KPNA4: variants seen among roughly 807,000 people sequenced by gnomAD.
The protein encoded by KPNA4 is karyopherin subunit alpha 4.
A neutral mutation model predicts 71.3 loss-of-function variants in KPNA4; 13 were observed. The observed-to-expected ratio is 0.18, with a 90% confidence interval of 0.12 to 0.29. The LOEUF is 0.29. KPNA4 is among the 10% of genes least tolerant of loss of function. KPNA4 has a pLI of 1.00. For missense variants in KPNA4, 334 were observed against 603.2 expected (o/e 0.55, Z 4.67); for synonymous variants, 189 against 195.2 (o/e 0.97, Z 0.26).
At chr3:160,554,930 C>G (rs904600801) in intron 1 of KPNA4, among the ~76,000 whole-genome samples, 15 of 152,178 alleles carry the variant, frequency 9.9e-5, no homozygotes, top group African/African-American at 3.6e-4. Flanking sequence ...GTTCTGTGAG[C>G]CATTCCAGCA....
rs1487415182 is a variant in KPNA4 at position 160,526,030 on chromosome 3, T to A, written c.634A>T (p.Ile212Phe). 1 of 1,602,230 alleles carries A rather than the reference T, an allele frequency of 6.2e-7. No homozygotes were observed. The change falls in exon 9 of 17, where the codon ATT (isoleucine) becomes TTT (phenylalanine). Residue 212 changes from isoleucine to phenylalanine, a missense_variant. Coordinates refer to ENST00000334256, the MANE Select transcript of KPNA4 (RefSeq NM_002268.5). ...KPLLSFISPSIPITFLRNVTW... is the reference protein window; with the variant it reads ...KPLLSFISPSFPITFLRNVTW... ...ACATTTCTTAAGAATGTTATAGGAA[T>A]AGATGGACTTATGAAGGAAAGTAAA... is the stretch of plus-strand genomic sequence containing the variant.
chr3:160,502,616 C>T (rs551287736), intron 16 of KPNA4, among the ~76,000 whole-genome samples: 1 of 152,220 alleles, frequency 6.6e-6, no homozygotes, highest in East Asian at 1.9e-4. Flanking sequence ...AGCAATCTGC[C>T]TGTCTTGACC....
intron 5 of KPNA4, among the ~76,000 whole-genome samples, chr3:160,532,431 T>G (rs1328730190): frequency 6.6e-6 from 1 of 152,212 alleles, no homozygotes; most frequent in Non-Finnish European, 1.5e-5. Context: ...CAACAACATT[T>G]TCATCTCAGC....
chr3:160,522,700 C>T (rs913044315), intron 10 of KPNA4, among the ~76,000 whole-genome samples: 1 of 152,090 alleles, frequency 6.6e-6, no homozygotes, highest in Admixed American at 6.5e-5. Flanking sequence ...CCTCATGATC[C>T]GCCCGCCTCG....
intron 1 of KPNA4, among the ~76,000 whole-genome samples, chr3:160,560,032 A>C (rs1722210487): frequency 6.6e-6 from 1 of 152,140 alleles, no homozygotes; most frequent in South Asian, 2.1e-4. Context: ...AAAGTCTACA[A>C]GTGACCCACA....
At chr3:160,548,999 G>A (rs1218609124) in intron 1 of KPNA4, among the ~76,000 whole-genome samples, 2 of 152,102 alleles carry the variant, frequency 1.3e-5, no homozygotes, top group African/African-American at 4.8e-5. Flanking sequence ...GTGGGAGATG[G>A]TATAGTTGCT....
At chr3:160,543,091 T>C (rs1721836036) in intron 1 of KPNA4, among the ~76,000 whole-genome samples, 1 of 117,262 alleles carries the variant, frequency 8.5e-6, no homozygotes, top group African/African-American at 2.7e-5. Flanking sequence ...AAATCTGAAT[T>C]CCCAGAGTTC....
chr3:160,510,764 G>A (rs1011159205), intron 13 of KPNA4, among the ~76,000 whole-genome samples: 9 of 151,148 alleles, frequency 6.0e-5, no homozygotes, highest in Non-Finnish European at 8.8e-5. Flanking sequence ...AAATATAATC[G>A]GGCAAAAACA....
chr3:160,527,802 TTACAGTAA>T, intron 8 of KPNA4, 143 bp downstream of exon 8: 1 of 468,002 alleles, frequency 2.1e-6, no homozygotes, highest in South Asian at 4.2e-5. Flanking sequence ...CTTTATGCTT[TTACAGTAA>T]TACAGTTCAA....
At chr3:160,560,500 T>G (rs1365359198) in intron 1 of KPNA4, among the ~76,000 whole-genome samples, 1 of 151,634 alleles carries the variant, frequency 6.6e-6, no homozygotes, top group East Asian at 1.9e-4. Context: ...AGGCCTCAAA[T>G]AGATGAATGC....
intron 11 of KPNA4, among the ~76,000 whole-genome samples, chr3:160,516,699 G>A (rs140219513): frequency 2.0e-5 from 3 of 152,058 alleles, no homozygotes; most frequent in African/African-American, 7.3e-5. Flanking sequence ...TTGAGCCTGG[G>A]AGGTCCAGGC....
At chr3:160,528,975 T>A (rs1721515631) in intron 7 of KPNA4, among the ~76,000 whole-genome samples, 1 of 152,224 alleles carries the variant, frequency 6.6e-6, no homozygotes, top group Non-Finnish European at 1.5e-5. Flanking sequence ...CTGCCCAGAC[T>A]GGAGTTCAGT....
At chr3:160,558,987 A>C (rs1722193787) in intron 1 of KPNA4, among the ~76,000 whole-genome samples, 1 of 152,224 alleles carries the variant, frequency 6.6e-6, no homozygotes, top group Non-Finnish European at 1.5e-5. Flanking sequence ...TGAAGATTAC[A>C]TATAAGCCAC....
chr3:160,509,332 T>C (rs539837234), intron 14 of KPNA4, among the ~76,000 whole-genome samples: 130 of 152,312 alleles, frequency 8.5e-4, no homozygotes, highest in African/African-American at 3.1e-3. Flanking sequence ...GTTCATTTGT[T>C]AGGAGAATGT....
intron 1 of KPNA4, among the ~76,000 whole-genome samples, 170 bp downstream of exon 1, chr3:160,565,041 CCGA>C (rs1252884380): frequency 6.6e-6 from 1 of 151,298 alleles, no homozygotes; most frequent in Non-Finnish European, 1.5e-5. Context: ...CGGAGCAGGC[CCGA>C]CATAAACTTC....
chr3:160,515,230 A>C, intron 12 of KPNA4: 1 of 608,576 alleles, frequency 1.6e-6, no homozygotes, highest in Non-Finnish European at 3.1e-6. Context: ...CTATTTCATC[A>C]TTTCCAAGAG....
intron 8 of KPNA4, 118 bp from the exon 9 acceptor site, chr3:160,526,225 T>C (rs2108550401): frequency 1.5e-6 from 1 of 666,920 alleles, no homozygotes; most frequent in East Asian, 3.0e-5. Flanking sequence ...CACTGTTCAG[T>C]TTTAGACAAT....
chr3:160,532,385 T>C (rs1053833917), intron 5 of KPNA4, among the ~76,000 whole-genome samples: 5 of 152,210 alleles, frequency 3.3e-5, no homozygotes, highest in South Asian at 2.1e-4. Context: ...AATTCTTCCT[T>C]CTACTTTACA....
intron 11 of KPNA4, among the ~76,000 whole-genome samples, chr3:160,517,904 A>G (rs1721259972): frequency 6.6e-6 from 1 of 152,096 alleles, no homozygotes; most frequent in South Asian, 2.1e-4. Flanking sequence ...ATTCTCTTCT[A>G]TTCTATGGGT....
Sources: allele counts gnomAD v4.1 joint callset (sites outside exome capture counted in the v4.1 genomes callset), GRCh38; gene constraint gnomAD v4.1.1; transcripts MANE v1.5; gene names NCBI Gene and HGNC (gene_info 2026-07-23, HGNC 2026-07-21).